The following PCDH9 variants were observed in gnomAD, a reference collection of about 807,000 sequenced individuals.
The protein encoded by PCDH9 is protocadherin-9.
A neutral mutation model predicts 70.6 loss-of-function variants in PCDH9; 24 were observed. The observed-to-expected ratio is 0.34, with a 90% CI of 0.25 to 0.48. PCDH9 has a LOEUF of 0.48. Among genes scored for constraint, PCDH9 ranks in the 20% least tolerant of loss-of-function variants. PCDH9 has a pLI of 0.99. For missense variants in PCDH9, 1,281 were observed against 1,503.6 expected, an observed-to-expected ratio of 0.85 and a Z score of 2.45; for synonymous variants, 562 against 558.5, an observed-to-expected ratio of 1.01 and a Z score of -0.09.
intron 2 of PCDH9, among the ~76,000 whole-genome samples, chr13:66,971,182 C>T (rs1004630425): frequency 2.0e-5 from 3 of 152,032 alleles, no homozygotes; most frequent in Admixed American, 6.6e-5. Flanking sequence ...ATTCACTCGT[C>T]TTCAGTGCTG....
rs143272753 is a variant in PCDH9, at chr13:66,875,010, T to A, written c.3138+28494A>T. ...GGAGGGAGGAGGAGATAATGAGAAG[T>A]TATCAGAATTTTGGTATCTTTAGGG... On this transcript the variant is annotated intron_variant, in intron 3 of 4. Transcript: ENST00000377865. Among the ~76,000 whole-genome samples the A allele has an allele frequency of 1.1e-3, 170 of 149,200 alleles. 1 individual carries two copies. Among genetic ancestry groups the A allele is most frequent in the African/African-American group, 4.0e-3 (160 of 40,450 alleles).
chr13:66,855,358 G>A (rs1250642352), intron 3 of PCDH9, among the ~76,000 whole-genome samples: 4 of 151,946 alleles, frequency 2.6e-5, no homozygotes, highest in South Asian at 4.1e-4. Flanking sequence ...AATGGATTAC[G>A]GATTGCTGTG....
At chr13:66,834,119 T>C (rs951238472) in intron 3 of PCDH9, among the ~76,000 whole-genome samples, 1 of 152,052 alleles carries the variant, frequency 6.6e-6, no homozygotes, top group Non-Finnish European at 1.5e-5. Context: ...GGCAACTTGT[T>C]ATTTGTTATC....
intron 2 of PCDH9, chr13:67,208,553 A>G (rs2138074765): frequency 6.6e-6 from 1 of 152,308 alleles, no homozygotes; most frequent in South Asian, 2.1e-4. Context: ...ATTAGGAAAC[A>G]ATTAGGCTGA....
intron 4 of PCDH9, among the ~76,000 whole-genome samples, chr13:66,461,911 T>C (rs944687957): frequency 2.0e-5 from 3 of 151,816 alleles, no homozygotes; most frequent in African/African-American, 4.8e-5. Flanking sequence ...AAAATACATA[T>C]ATAGTCAGAG....
chr13:66,685,201 A>G (rs2078383023), intron 3 of PCDH9, among the ~76,000 whole-genome samples: 2 of 152,094 alleles, frequency 1.3e-5, no homozygotes, highest in Admixed American at 6.5e-5. Flanking sequence ...GGAGGAAAAA[A>G]TGGTGTTGTG....
chr13:67,209,539 C>T (rs934340591), intron 2 of PCDH9: 22 of 151,960 alleles, frequency 1.4e-4, no homozygotes, highest in African/African-American at 4.8e-4. Context: ...TCAAAAACAC[C>T]AAAAGAATTT....
chr13:66,937,322 T>C (rs1566305631), intron 2 of PCDH9, among the ~76,000 whole-genome samples: 1 of 152,228 alleles, frequency 6.6e-6, no homozygotes, highest in Non-Finnish European at 1.5e-5. Context: ...AACTTTCACA[T>C]TCAGAAATTC....
At chr13:66,971,618 G>C (rs1387593069) in intron 2 of PCDH9, among the ~76,000 whole-genome samples, 1 of 151,814 alleles carries the variant, frequency 6.6e-6, no homozygotes, top group African/African-American at 2.4e-5. Context: ...TCTTTTAATT[G>C]CTTAAACTAA....
intron 2 of PCDH9, among the ~76,000 whole-genome samples, chr13:67,171,218 G>A (rs533558647): frequency 6.1e-4 from 92 of 151,866 alleles, no homozygotes; most frequent in African/African-American, 2.0e-3. Flanking sequence ...TTATATGTAC[G>A]GTAACCCAAA....
intron 2 of PCDH9, among the ~76,000 whole-genome samples, chr13:67,116,997 A>G (rs963631495): frequency 2.6e-5 from 4 of 152,216 alleles, no homozygotes; most frequent in Admixed American, 6.5e-5. Context: ...CCATTAATAA[A>G]AAGAAAGAAA....
At chr13:67,214,935 G>GATAGATATATATATATATATAT (rs1555321190) in intron 2 of PCDH9, 1 of 89,248 alleles carries the variant, frequency 1.1e-5, no homozygotes, top group Non-Finnish European at 2.4e-5. Context: ...TTGCGAGCCA[G>GATAGATATATATATATATATAT]ATATATATAT....
At chr13:66,415,749 A>G (rs1957449397) in intron 4 of PCDH9, among the ~76,000 whole-genome samples, 1 of 152,166 alleles carries the variant, frequency 6.6e-6, no homozygotes, top group Non-Finnish European at 1.5e-5. Flanking sequence ...TAAGAGAAAA[A>G]AATCATAGGA....
At position 66,552,759 on chromosome 13, in the gene PCDH9, A is replaced by G. The variant is rs114458624; in HGVS notation, c.3340+78451T>C. ...GATTTAATATTTTGTAGTAGTGAAA[A>G]GAAGAAAGATGAGGAATGTACTAGT... On this transcript the variant is annotated intron_variant, in intron 4 of 4. Transcript: ENST00000377865. Among the ~76,000 whole-genome samples the G allele has an allele frequency of 2.8e-3, 428 of 152,248 alleles. 3 individuals carry two copies. The highest frequency in any genetic ancestry group is 1.0e-2 in the African/African-American group (415 of 41,556).
chr13:66,556,899 A>G (rs371491464), intron 4 of PCDH9, among the ~76,000 whole-genome samples: 26 of 152,290 alleles, frequency 1.7e-4, no homozygotes, highest in African/African-American at 6.0e-4. Context: ...TGATACAGGT[A>G]CAACTAGATT....
chr13:66,870,333 G>C (rs2081654190), intron 3 of PCDH9, among the ~76,000 whole-genome samples: 1 of 152,116 alleles, frequency 6.6e-6, no homozygotes, highest in Non-Finnish European at 1.5e-5. Flanking sequence ...TAGCCTTGTA[G>C]TATAGTTTGA....
At chr13:66,502,407 A>G (rs535440916) in intron 4 of PCDH9, among the ~76,000 whole-genome samples, 17 of 152,244 alleles carry the variant, frequency 1.1e-4, no homozygotes, top group Admixed American at 8.5e-4. Flanking sequence ...AATATTATCT[A>G]CCTTTTGTGA....
intron 2 of PCDH9, among the ~76,000 whole-genome samples, chr13:67,017,439 T>C (rs967271452): frequency 3.3e-5 from 5 of 152,110 alleles, no homozygotes; most frequent in African/African-American, 1.2e-4. Flanking sequence ...CAGTTTAAAA[T>C]ACCCCTGTTT....
At chr13:67,217,133 T>G (rs9571739) in intron 2 of PCDH9, 13,910 of 152,082 alleles carry the variant, frequency 0.091, 876 homozygotes, top group East Asian at 0.28. Context: ...AAACCACCAG[T>G]ATTTTTCTTT....
Sources: gnomAD v4.1 joint callset for allele counts (sites outside exome capture counted in the v4.1 genomes callset) on GRCh38, gnomAD v4.1.1 for gene constraint, MANE v1.5 for transcripts, NCBI Gene and HGNC (gene_info 2026-07-23, HGNC 2026-07-21) for gene names.